Variants in SNX18 observed in about 807,000 individuals in gnomAD.
SNX18 encodes the protein sorting nexin 18, also known as sorting nexin-18.
A neutral mutation model predicts 48.7 loss-of-function variants in SNX18; 35 were observed. The observed-to-expected ratio is 0.72, with a 90% CI of 0.55 to 0.95. The LOEUF is 0.95. Among genes scored for constraint, SNX18 ranks in the 40% least tolerant of loss-of-function variants. The pLI, the probability that SNX18 is intolerant of heterozygous loss-of-function variation, is 0.00. For synonymous variants in SNX18, 492 were observed against 384.7 expected (o/e 1.28, Z -3.26); for missense variants, 824 against 871.0 (o/e 0.95, Z 0.68).
At chr5:54,571,916 G>A in the SNX18 span, among the ~76,000 whole-genome samples, 1 of 152,174 alleles carries the variant, frequency 6.6e-6, no homozygotes, top group Admixed American at 6.5e-5. Flanking sequence ...TGAATTTTTT[G>A]TGGCACCCCC....
At chr5:54,522,544 C>A (rs191572118) in intron 1 of SNX18, among the ~76,000 whole-genome samples, 2 of 152,288 alleles carry the variant, frequency 1.3e-5, no homozygotes, top group Admixed American at 6.5e-5. Context: ...CCTCCTCCTT[C>A]CCATATAGGC....
At chr5:54,574,326 C>A in the SNX18 span, among the ~76,000 whole-genome samples, 2 of 152,158 alleles carry the variant, frequency 1.3e-5, no homozygotes, top group African/African-American at 4.8e-5. Context: ...CAGAAGCTGC[C>A]CATTTCTTAA....
At chr5:54,584,968 T>C in the SNX18 span, among the ~76,000 whole-genome samples, 27 of 152,306 alleles carry the variant, frequency 1.8e-4, no homozygotes, top group East Asian at 4.8e-3. Flanking sequence ...CCACTCACTC[T>C]GTGGTTAAAA....
At chr5:54,626,354 G>C in the SNX18 span, among the ~76,000 whole-genome samples, 1 of 151,998 alleles carries the variant, frequency 6.6e-6, no homozygotes, top group Non-Finnish European at 1.5e-5. Context: ...ACAGGGTTTT[G>C]TTATGTTGCC....
chr5:54,526,168 G>C (rs532209979), intron 1 of SNX18, among the ~76,000 whole-genome samples: 2 of 152,268 alleles, frequency 1.3e-5, no homozygotes, highest in South Asian at 4.1e-4. Flanking sequence ...GCAGTGATGC[G>C]ATCTCGGCTC....
chr5:54,574,035 T>G, the SNX18 span, among the ~76,000 whole-genome samples: 1 of 152,260 alleles, frequency 6.6e-6, no homozygotes, highest in Non-Finnish European at 1.5e-5. Flanking sequence ...TTCCCATGAA[T>G]CTACAATGTA....
chr5:54,518,490 G>A lies in SNX18; in HGVS notation c.538G>A (p.Asp180Asn), dbSNP rs955534594. 1 of 1,570,832 alleles carries A rather than the reference G, an allele frequency of 6.4e-7. No individual in the cohort carries two copies. Among genetic ancestry groups the A allele is most frequent in the Non-Finnish European group, 8.6e-7 (1 of 1,158,510 alleles). The change falls in exon 1 of 2, where the codon GAC becomes AAC. Residue 180 changes from aspartate to asparagine, a missense_variant. By Grantham distance (23) the Asp-to-Asn change is conservative (BLOSUM62 1). This residue lies in a region of SNX18 where 377 missense variants were observed against 350.6 expected (regional missense o/e 1.08). Transcript: ENST00000381410. ...ALGSGAYPDLDGSSSAGVGAA... is the reference protein window; with the variant it reads ...ALGSGAYPDLNGSSSAGVGAA... ...GGGCAGCGGAGCATACCCGGACCTCGACGGCTCGTCTTCGGCGGGTGTGGG... is the reference window on the plus strand; with the variant it reads ...GGGCAGCGGAGCATACCCGGACCTCAACGGCTCGTCTTCGGCGGGTGTGGG...
chr5:54,539,180 C>T (rs962689607), intron 1 of SNX18, among the ~76,000 whole-genome samples: 1 of 152,144 alleles, frequency 6.6e-6, no homozygotes. Context: ...TGCGTCACCA[C>T]ACCTGGCTAA....
chr5:54,556,679 G>A, the SNX18 span, among the ~76,000 whole-genome samples: 2 of 152,130 alleles, frequency 1.3e-5, no homozygotes, highest in African/African-American at 4.8e-5. Context: ...TGGGGAGGGG[G>A]TTGGTATGCA....
the SNX18 span, among the ~76,000 whole-genome samples, chr5:54,580,379 T>G: frequency 6.6e-6 from 1 of 152,212 alleles, no homozygotes; most frequent in South Asian, 2.1e-4. Flanking sequence ...TAACTAAGAA[T>G]GAGGTTTTCT....
chr5:54,541,323 C>T (rs908033796), intron 1 of SNX18, among the ~76,000 whole-genome samples: 8 of 152,170 alleles, frequency 5.3e-5, no homozygotes, highest in Non-Finnish European at 8.8e-5. Context: ...CCACCGCGCC[C>T]GGCCCTCCTG....
intron 1 of SNX18, among the ~76,000 whole-genome samples, chr5:54,540,378 G>A (rs1301661783): frequency 1.3e-5 from 2 of 151,920 alleles, no homozygotes; most frequent in Admixed American, 1.3e-4. Flanking sequence ...GCCATGACTG[G>A]CTAATTTTTT....
the SNX18 span, among the ~76,000 whole-genome samples, chr5:54,639,217 T>C: frequency 1.3e-5 from 2 of 152,170 alleles, no homozygotes; most frequent in Non-Finnish European, 2.9e-5. Context: ...AGAGAACTTA[T>C]AGTTTATAAC....
In SNX18 at chr5:54,518,197, C is replaced by T; in HGVS notation, c.245C>T (p.Pro82Leu). ...GCCCCGGCCCGCTACGCCAATGTGC[C>T]CCCCGGGGGCTTCGAGCCCCTGCCT... is the stretch of plus-strand genomic sequence containing the variant. ...PGAPARYANV[P>L]PGGFEPLPVA... The change falls in exon 1 of 2, where the codon CCC becomes CTC. Residue 82 changes from proline to leucine, a missense_variant. By Grantham distance (98) the Pro-to-Leu change is moderately conservative (BLOSUM62 -3). Transcript: ENST00000381410. The T allele has an allele frequency of 7.2e-7, 1 of 1,389,576 alleles. No homozygotes were observed. Among genetic ancestry groups the T allele is most frequent in the South Asian group, 1.6e-5 (1 of 60,890 alleles). The allele number at this position is 1,389,576 out of a possible 1,614,324, so 86.1% of individuals were successfully genotyped here. A position where few individuals can be genotyped will look rare whatever the true frequency, so the allele number is the denominator to read the frequency against.
At chr5:54,593,004 T>C in the SNX18 span, among the ~76,000 whole-genome samples, 1 of 152,176 alleles carries the variant, frequency 6.6e-6, no homozygotes, top group Admixed American at 6.5e-5. Flanking sequence ...TTTCATCATG[T>C]TGGCCAGGCT....
chr5:54,600,328 A>T, the SNX18 span, among the ~76,000 whole-genome samples: 1 of 152,284 alleles, frequency 6.6e-6, no homozygotes, highest in African/African-American at 2.4e-5. Context: ...TCAAGAAACA[A>T]CAGATGCTGG....
chr5:54,589,475 TG>T, the SNX18 span, among the ~76,000 whole-genome samples: 1 of 152,038 alleles, frequency 6.6e-6, no homozygotes, highest in Non-Finnish European at 1.5e-5. Flanking sequence ...ATTAAAGAAG[TG>T]GGGTAAAAAG....
At chr5:54,633,036 G>T in the SNX18 span, among the ~76,000 whole-genome samples, 4,606 of 152,176 alleles carry the variant, frequency 0.03, 98 homozygotes, top group South Asian at 0.053. Flanking sequence ...GCCTCCCAAA[G>T]TGCTGGGATT....
At chr5:54,531,444 G>A (rs996868005) in intron 1 of SNX18, among the ~76,000 whole-genome samples, 9 of 152,248 alleles carry the variant, frequency 5.9e-5, no homozygotes, top group South Asian at 2.1e-4. Flanking sequence ...TTTTTATTGT[G>A]TTTAGTTATG....
Sources: allele counts gnomAD v4.1 joint callset (sites outside exome capture counted in the v4.1 genomes callset), GRCh38; gene constraint gnomAD v4.1.1; regional missense constraint gnomAD v4.1.1; transcripts MANE v1.5; gene names NCBI Gene and HGNC (gene_info 2026-07-23, HGNC 2026-07-21).